AREL1: variants seen among roughly 807,000 people sequenced by gnomAD.
The protein encoded by AREL1 is apoptosis resistant E3 ubiquitin protein ligase 1.
AREL1 carries 62 observed loss-of-function variants against 99.0 expected under a neutral mutation model. The observed-to-expected ratio is 0.63, with a 90% CI of 0.51 to 0.77. AREL1 has a LOEUF of 0.77. AREL1 is among the 30% of genes least tolerant of loss of function. The pLI, the probability that AREL1 is intolerant of heterozygous loss-of-function variation, is 0.00. For synonymous variants in AREL1, 380 were observed against 376.5 expected (o/e 1.01, Z -0.11); for missense variants, 879 against 1,027.6 (o/e 0.86, Z 1.98).
chr14:74,678,916 G>A (rs1412832175), intron 5 of AREL1, among the ~76,000 whole-genome samples: 1 of 151,954 alleles, frequency 6.6e-6, no homozygotes, highest in Non-Finnish European at 1.5e-5. Context: ...TTTGAGACAG[G>A]GTCTCACTTT....
chr14:74,703,060 C>T (rs1208154668), intron 1 of AREL1, among the ~76,000 whole-genome samples: 1 of 152,218 alleles, frequency 6.6e-6, no homozygotes, highest in Non-Finnish European at 1.5e-5. Context: ...TTACCCAGTT[C>T]CAAAGTTACT....
chr14:74,710,316 C>T (rs1392180274), intron 1 of AREL1, among the ~76,000 whole-genome samples: 1 of 152,312 alleles, frequency 6.6e-6, no homozygotes, highest in East Asian at 1.9e-4. Context: ...TCAAGGAAAT[C>T]AGAACACTCT....
chr14:74,692,926 C>A (rs1160163012), intron 1 of AREL1, among the ~76,000 whole-genome samples: 20 of 152,112 alleles, frequency 1.3e-4, no homozygotes, highest in Admixed American at 1.0e-3. Context: ...TCAGGCTAGT[C>A]TTGAACTCCT....
chr14:74,685,682 A>G, intron 2 of AREL1, 22 bp from the exon 3 acceptor site: 1 of 1,606,202 alleles, frequency 6.2e-7, no homozygotes. Flanking sequence ...AAACTTGTTT[A>G]GTTTTTGTCT....
At chr14:74,677,945 CA>C (rs1194509682) in intron 5 of AREL1, among the ~76,000 whole-genome samples, 1 of 151,062 alleles carries the variant, frequency 6.6e-6, no homozygotes. Flanking sequence ...AGAAATAAAA[CA>C]AAAAAACCAA....
chr14:74,683,308 T>C lies in AREL1; in HGVS notation c.469A>G (p.Ile157Val). Residue 157 changes from isoleucine to valine, a missense_variant, in exon 5 of 20, where the codon ATT becomes GTT. Coordinates refer to ENST00000356357, the MANE Select transcript of AREL1 (RefSeq NM_001039479.2). ...LNVAYSPYYK[I>V]FQPGMVVPSK... ...AAAAAGAACCTACCAGGTTGAAAAA[T>C]TTTGTAGTAGGGACTATATGCCACA... The C allele has an allele frequency of 6.2e-7, 1 of 1,608,330 alleles. No homozygotes were observed. Among genetic ancestry groups the C allele is most frequent in the Non-Finnish European group, 8.5e-7 (1 of 1,176,008 alleles).
intron 1 of AREL1, among the ~76,000 whole-genome samples, chr14:74,707,792 CAA>C (rs35181427): frequency 1.1e-4 from 11 of 104,608 alleles, no homozygotes; most frequent in Admixed American, 4.1e-4. Flanking sequence ...AGATTCGTCT[CAA>C]AAAAAAAAAA....
intron 1 of AREL1, among the ~76,000 whole-genome samples, chr14:74,693,215 G>A (rs1391297543): frequency 1.3e-5 from 2 of 152,166 alleles, no homozygotes; most frequent in Non-Finnish European, 2.9e-5. Context: ...CTTCCAAAGA[G>A]CTTTAAAGCC....
At chr14:74,678,099 C>A (rs758339975) in intron 5 of AREL1, 7 of 418,432 alleles carry the variant, frequency 1.7e-5, no homozygotes, top group Middle Eastern at 3.4e-4. Context: ...TAAGATTATT[C>A]TAAAATTTAA....
In AREL1 at chr14:74,664,072, G is replaced by C; in HGVS notation, c.2196C>G (p.Val732=). ...VGGSWHFREK[V]MRWFWTVVSS... ...AAACCACAGTCCAAAACCACCTCAT[G>C]ACCTGGCAGGGAGAGCACAAGGCTG... Residue 732 remains valine (V), a splice_region_variant and synonymous_variant, in exon 19 of 20, where the codon GTC becomes GTG. Transcript: ENST00000356357. 1 of 1,612,866 alleles carries C rather than the reference G, an allele frequency of 6.2e-7. No homozygotes were observed.
At chr14:74,700,672 G>A (rs547878527) in intron 1 of AREL1, among the ~76,000 whole-genome samples, 108 of 152,208 alleles carry the variant, frequency 7.1e-4, no homozygotes, top group African/African-American at 2.2e-3. Flanking sequence ...CCCAGCTACT[G>A]GGGAAGCTGA....
In AREL1 at chr14:74,708,716, C is replaced by T. The variant is rs149192723; in HGVS notation, c.-334+4217G>A. On this transcript the variant is annotated intron_variant, in intron 1 of 19. Coordinates refer to ENST00000356357, the MANE Select transcript of AREL1 (RefSeq NM_001039479.2). ...CAAGCTGCACTGAAATAAATGCCTT[C>T]GCTCTGAAAAACATGATGCAAATTG... 2.1e-4 allele frequency among the ~76,000 whole-genome samples: 32 copies of T among 152,326 alleles called. No individual in the cohort carries two copies. The East Asian group carries it at 5.0e-3, about 24-fold the overall frequency.
intron 1 of AREL1, among the ~76,000 whole-genome samples, chr14:74,702,357 T>A (rs1418327987): frequency 6.6e-6 from 1 of 152,238 alleles, no homozygotes; most frequent in African/African-American, 2.4e-5. Flanking sequence ...TTGACTTCTG[T>A]GCACCCACAG....
At chr14:74,696,671 T>A (rs1442408936) in intron 1 of AREL1, among the ~76,000 whole-genome samples, 6 of 151,926 alleles carry the variant, frequency 3.9e-5, no homozygotes, top group Non-Finnish European at 7.4e-5. Flanking sequence ...TCTAAAAAAA[T>A]AAAAATAAAT....
At chr14:74,689,550 A>C (rs1414141077) in intron 2 of AREL1, among the ~76,000 whole-genome samples, 1 of 149,342 alleles carries the variant, frequency 6.7e-6, no homozygotes, top group African/African-American at 2.5e-5. Context: ...CCTCATGTGA[A>C]TCTCCATAGA....
chr14:74,661,295 A>G lies in AREL1; in HGVS notation c.*2425T>C. On this transcript the variant is annotated 3_prime_UTR_variant, in exon 20 of 20. Transcript: ENST00000356357. ...TATTTATCTACTGTACAAAATATTTACATCATCAGCTGCAACTGCCTGGCC... is the reference window on the plus strand; with the variant it reads ...TATTTATCTACTGTACAAAATATTTGCATCATCAGCTGCAACTGCCTGGCC... 2.2e-6 allele frequency: 1 copy of G among 456,466 alleles called. No homozygotes were observed. Among genetic ancestry groups the G allele is most frequent in the African/African-American group, 2.0e-5 (1 of 50,184 alleles). The allele number at this position is 456,466 out of a possible 1,614,324, so 28.3% of individuals were successfully genotyped here. A position where few individuals can be genotyped will look rare whatever the true frequency, so the allele number is the denominator to read the frequency against.
At chr14:74,678,360 C>T (rs531463930) in intron 5 of AREL1, 7 of 357,010 alleles carry the variant, frequency 2.0e-5, no homozygotes, top group East Asian at 1.7e-4. Context: ...TAGCTAAGCA[C>T]GGTGGTGCAC....
At chr14:74,704,231 G>A (rs1053094334) in intron 1 of AREL1, among the ~76,000 whole-genome samples, 4 of 152,036 alleles carry the variant, frequency 2.6e-5, no homozygotes, top group Admixed American at 1.3e-4. Context: ...TGTGAACCCC[G>A]AATATCTGAG....
At chr14:74,687,049 C>T (rs1464406308) in intron 2 of AREL1, among the ~76,000 whole-genome samples, 1 of 152,200 alleles carries the variant, frequency 6.6e-6, no homozygotes, top group African/African-American at 2.4e-5. Flanking sequence ...CTGCATCTTA[C>T]AGGATGCACT....
Sources: allele counts gnomAD v4.1 joint callset (sites outside exome capture counted in the v4.1 genomes callset), GRCh38; gene constraint gnomAD v4.1.1; transcripts MANE v1.5; gene names NCBI Gene and HGNC (gene_info 2026-07-23, HGNC 2026-07-21).